The following WIZ variants were observed in gnomAD, a reference collection of about 807,000 sequenced individuals.
WIZ encodes the protein WIZ zinc finger.
WIZ carries 25 observed loss-of-function variants against 140.2 expected under a neutral mutation model. The observed-to-expected ratio is 0.18, with a 90% CI of 0.13 to 0.25. The LOEUF is 0.25. Among genes scored for constraint, WIZ ranks in the 10% least tolerant of loss-of-function variants. The pLI is 1.00. For synonymous variants in WIZ, 1,125 were observed against 1,154.3 expected, an observed-to-expected ratio of 0.97 and a Z score of 0.51; for missense variants, 2,231 against 2,632.6, an observed-to-expected ratio of 0.85 and a Z score of 3.34.
At position 15,431,171 on chromosome 19, in the gene WIZ, C is replaced by T; in HGVS notation, c.2752G>A (p.Glu918Lys). The stretch of plus-strand genomic sequence containing the variant: ...TCCATGGCCACCATTGCGTTTTCCT[C>T]AGAACCCAGGCCTGTGGGTTGGGGA... ...GPAYGDGLGS[E>K]ENAMVAMDLG... Residue 918 changes from glutamate to lysine, a missense_variant, in exon 6 of 13, where the codon GAG (glutamate) becomes AAG (lysine). Physicochemically the swap from Glu to Lys is moderately conservative, Grantham distance 56. Coordinates refer to ENST00000673675, the MANE Select transcript of WIZ (RefSeq NM_001371589.1). 2.6e-6 allele frequency: 4 copies of T among 1,527,332 alleles called. No individual in the cohort carries two copies. Among genetic ancestry groups the T allele is most frequent in the Non-Finnish European group, 3.5e-6 (4 of 1,141,338 alleles). The allele number at this position is 1,527,332 out of a possible 1,614,324, so 94.6% of individuals were successfully genotyped here. A position where few individuals can be genotyped will look rare whatever the true frequency, so the allele number is the denominator to read the frequency against.
Position 15,428,379 on chromosome 19 carries a change from T to C in WIZ, c.3545A>G (p.Lys1182Arg). 3.9e-6 allele frequency: 6 copies of C among 1,535,472 alleles called. No homozygotes were observed. Among genetic ancestry groups the C allele is most frequent in the Non-Finnish European group, 5.2e-6 (6 of 1,146,720 alleles). ...RHLGVSDPDA[K>R]GSPIDVLHGL... ...GTGGAGCACGTCTATGGGGGATCCC[T>C]TGGCGTCCGGATCGCTGACGCCCAG... The change falls in exon 8 of 13, where the codon AAG becomes AGG. Residue 1182 changes from lysine (K) to arginine (R), a missense_variant. Around this residue, in one of 15 missense-constraint regions of WIZ, gnomAD observed 141 missense variants for 161.2 expected, o/e 0.87. Transcript: ENST00000673675. The surrounding 1 kb of genome is among the most constrained non-coding windows in gnomAD (Gnocchi z 6.4).
rs763646842 is a variant in WIZ at position 15,427,560 on chromosome 19, T to C, written c.3815-27A>G. 2.5e-6 allele frequency: 4 copies of C among 1,585,246 alleles called. No individual in the cohort carries two copies. Among genetic ancestry groups the C allele is most frequent in the Non-Finnish European group, 2.6e-6 (3 of 1,163,822 alleles). The stretch of plus-strand genomic sequence containing the variant: ...TGCAGCAGGAGGAGAAAGGGGCAGT[T>C]AGCATCGTGGAACTGCCAGCATGGT... On this transcript the variant is annotated intron_variant, in intron 8 of 12. Transcript: ENST00000673675. The surrounding 1 kb of genome is among the most constrained non-coding windows in gnomAD (Gnocchi z 6.4).
Position 15,439,038 on chromosome 19 carries a change from C to A in WIZ, c.1956G>T (p.Gln652His). 6.7e-7 allele frequency: 1 copy of A among 1,498,384 alleles called. No individual in the cohort carries two copies. The highest frequency in any genetic ancestry group is 8.9e-7 in the Non-Finnish European group (1 of 1,128,010). 92.8% of individuals were successfully genotyped at this position (1,498,384 alleles called of 1,614,324 possible). The part of the protein sequence containing the change: ...SPLATPSLIP[Q>H]AALELKQAFR... ...ATGCCTGCTTCAGCTCCAGGGCCGC[C>A]TGCGGGATGAGGCTGGGGGTGGCTA... The change falls in exon 4 of 13, where the codon CAG (glutamine) becomes CAT (histidine). Residue 652 changes from glutamine to histidine, a missense_variant. Physicochemically the swap from Gln to His is conservative, Grantham distance 24. Coordinates refer to ENST00000673675, the MANE Select transcript of WIZ (RefSeq NM_001371589.1). This position sits in a 1 kb window ranked among gnomAD's most constrained non-coding sequence, Gnocchi z 7.0.
In WIZ at chr19:15,424,331, C is replaced by T; in HGVS notation, c.5362G>A (p.Gly1788Arg). 6.2e-7 allele frequency: 1 copy of T among 1,604,588 alleles called. No individual in the cohort carries two copies. The highest frequency in any genetic ancestry group is 8.5e-7 in the Non-Finnish European group (1 of 1,177,288). The change falls in exon 12 of 13, where the codon GGA (glycine) becomes AGA (arginine). Residue 1788 changes from glycine (G) to arginine (R), a missense_variant. This residue lies in a region of WIZ where 299 missense variants were observed against 309.6 expected (regional missense o/e 0.97). Transcript: ENST00000673675. This position sits in a 1 kb window ranked among gnomAD's most constrained non-coding sequence, Gnocchi z 9.7. ...TGTAGGTCATTGGTGTCCTCGCCTC[C>T]CCGGGCTGCGGAGGCATCTGGAGGG... Reference protein sequence around the residue: ...ARPPDASAARGGEDTNDLQQK... With the variant: ...ARPPDASAARRGEDTNDLQQK...
At chr19:15,438,444 C>T (rs1005953) in intron 4 of WIZ, 134 bp downstream of exon 4, 787,042 of 1,056,344 alleles carry the variant, frequency 0.75, 296,155 homozygotes, top group East Asian at 0.99. Context: ...AGGTGGCCTT[C>T]ACTGTGGCTC....
At chr19:15,430,796 C>T (rs563138907) in intron 6 of WIZ, among the ~76,000 whole-genome samples, 191 of 152,308 alleles carry the variant, frequency 1.3e-3, no homozygotes, top group African/African-American at 4.5e-3. Flanking sequence ...GGATGCTGTC[C>T]CTCGCCCCGT....
chr19:15,449,757 C>G (rs1489519806), intron 1 of WIZ, 41 bp downstream of exon 1: 3 of 145,854 alleles, frequency 2.1e-5, no homozygotes, highest in African/African-American at 4.9e-5. Context: ...CGCTACGGCT[C>G]CGCCCCACCC....
Position 15,428,369 on chromosome 19 carries a change from G to A in WIZ, c.3555C>T (p.Pro1185=), listed in dbSNP as rs1968994889. The A allele has an allele frequency of 6.5e-7, 1 of 1,535,372 alleles. No homozygotes were observed. The highest frequency in any genetic ancestry group is 1.4e-5 in the African/African-American group (1 of 73,026). The change falls in exon 8 of 13, where the codon CCC becomes CCT. Residue 1185 remains proline, a synonymous_variant. Transcript: ENST00000673675. The surrounding 1 kb of genome is among the most constrained non-coding windows in gnomAD (Gnocchi z 6.4). ...TGATGAGCCCGTGGAGCACGTCTAT[G>A]GGGGATCCCTTGGCGTCCGGATCGC... The part of the protein sequence containing the change: ...GVSDPDAKGS[P]IDVLHGLIRR...
At chr19:15,443,261 G>A (rs1169345323) in intron 2 of WIZ, among the ~76,000 whole-genome samples, 1 of 152,144 alleles carries the variant, frequency 6.6e-6, no homozygotes, top group Non-Finnish European at 1.5e-5. Context: ...TAGTAGTGAC[G>A]GCGTTTCGCC....
chr19:15,432,864 G>C (rs959900152), intron 5 of WIZ, among the ~76,000 whole-genome samples: 1 of 151,842 alleles, frequency 6.6e-6, no homozygotes, highest in Non-Finnish European at 1.5e-5. Flanking sequence ...CGAGTGCCAC[G>C]AGCGAAACCG....
rs950577253 is a variant in WIZ at position 15,428,414 on chromosome 19, G to A, written c.3510C>T (p.His1170=). 2.0e-6 allele frequency: 3 copies of A among 1,535,650 alleles called. No individual in the cohort carries two copies. Among genetic ancestry groups the A allele is most frequent in the Non-Finnish European group, 1.7e-6 (2 of 1,146,814 alleles). The change falls in exon 8 of 13, where the codon CAC becomes CAT. Residue 1170 remains histidine, a synonymous_variant. Coordinates refer to ENST00000673675, the MANE Select transcript of WIZ (RefSeq NM_001371589.1). This position sits in a 1 kb window ranked among gnomAD's most constrained non-coding sequence, Gnocchi z 6.4. ...GATCGCTGACGCCCAGGTGGCGCAG[G>A]TGGGCACGGGCGTGGCTAGACAGGC... ...RKGLSSHARA[H]LRHLGVSDPD...
chr19:15,423,890 T>C (rs1968537104), intron 12 of WIZ, among the ~76,000 whole-genome samples: 1 of 152,238 alleles, frequency 6.6e-6, no homozygotes, highest in South Asian at 2.1e-4. Context: ...GTAACAAATC[T>C]GTAAGGTAGG....
chr19:15,430,930 A>G, intron 6 of WIZ, 82 bp downstream of exon 6: 1 of 1,423,644 alleles, frequency 7.0e-7, no homozygotes, highest in South Asian at 1.5e-5. Flanking sequence ...TGGGCCCCAC[A>G]TTAACCCCAA....
intron 9 of WIZ, among the ~76,000 whole-genome samples, 188 bp from the exon 10 acceptor site, chr19:15,425,956 G>GC (rs1487777814): frequency 6.7e-6 from 1 of 150,258 alleles, no homozygotes; most frequent in South Asian, 2.1e-4. Context: ...CAAGCTCAAA[G>GC]CCCCCGTATC....
rs546158912 is a variant in WIZ at position 15,421,230 on chromosome 19, C to T, written c.*1846G>A. On this transcript the variant is annotated 3_prime_UTR_variant, in exon 13 of 13. Transcript: ENST00000673675. ...GCTTCCTAAGTCCTGGATACATCCA[C>T]CCACCCACAGCACAGGATGGAGAGA... 1.3e-5 allele frequency: 2 copies of T among 152,422 alleles called. No individual in the cohort carries two copies. Among genetic ancestry groups the T allele is most frequent in the South Asian group, 4.1e-4 (2 of 4,832 alleles). The allele number at this position is 152,422 out of a possible 1,614,324, so 9.4% of individuals were successfully genotyped here. A position where few individuals can be genotyped will look rare whatever the true frequency, so the allele number is the denominator to read the frequency against.
intron 5 of WIZ, 129 bp from the exon 6 acceptor site, chr19:15,431,311 G>T: frequency 1.7e-6 from 2 of 1,203,242 alleles, no homozygotes; most frequent in Non-Finnish European, 2.2e-6. Context: ...CCCCAGGAAA[G>T]CTGAGGTTCC....
At chr19:15,438,238 G>A (rs778530134) in intron 4 of WIZ, among the ~76,000 whole-genome samples, 13 of 152,238 alleles carry the variant, frequency 8.5e-5, no homozygotes, top group Non-Finnish European at 1.8e-4. Flanking sequence ...TGAACTCCAA[G>A]AGTCCAAGAA....
At chr19:15,433,400 G>A in intron 5 of WIZ, 1 of 975,482 alleles carries the variant, frequency 1.0e-6, no homozygotes, top group Non-Finnish European at 1.2e-6. Flanking sequence ...AGGGAGAGGG[G>A]GCAGGCTTCT....
At position 15,425,518 on chromosome 19, in the gene WIZ, G is replaced by A. The variant is rs377705968; in HGVS notation, c.4617C>T (p.Thr1539=). 18 of 1,611,030 alleles carry A rather than the reference G, an allele frequency of 1.1e-5. No individual in the cohort carries two copies. The highest frequency in any genetic ancestry group is 1.0e-4 in the Admixed American group (6 of 59,848). Residue 1539 remains threonine, a synonymous_variant, in exon 10 of 13, where the codon ACC becomes ACT. Coordinates refer to ENST00000673675, the MANE Select transcript of WIZ (RefSeq NM_001371589.1). ...GGGACTGCACGGGCCCAGGGGCCAC[G>A]GTGGGAGGCCCGTCCTCAGCCAGGG... ...APALAEDGPP[T]VAPGPVQSPL...
Sources: gnomAD v4.1 joint callset for allele counts (sites outside exome capture counted in the v4.1 genomes callset) on GRCh38, gnomAD v4.1.1 for gene constraint, gnomAD v4.1.1 regional missense constraint, Gnocchi (gnomAD v3.1) non-coding constraint, MANE v1.5 for transcripts, NCBI Gene and HGNC (gene_info 2026-07-23, HGNC 2026-07-21) for gene names.